DOCK2: variants seen among roughly 807,000 people sequenced by gnomAD.
DOCK2 encodes dedicator of cytokinesis 2.
In DOCK2, 87 loss-of-function variants were observed where a neutral mutation model predicts 248.9. The ratio of observed to expected loss-of-function variants is 0.35; its 90% CI spans 0.29 to 0.42. The LOEUF (loss-of-function observed/expected upper bound fraction) is 0.42, where lower values mean the gene tolerates loss of function less well. Ranked by LOEUF, DOCK2 falls within the 10% of genes least tolerant of loss-of-function variation. The probability of loss-of-function intolerance (pLI) is 1.00; values close to 1 mark genes in which losing one functional copy is unlikely to be tolerated. For synonymous variants in DOCK2, 805 were observed against 821.6 expected (o/e 0.98, Z 0.35); for missense variants, 1,747 against 2,300.2 (o/e 0.76, Z 4.92).
intron 2 of DOCK2, among the ~76,000 whole-genome samples, chr5:169,668,553 G>A (rs2113273934): frequency 6.6e-6 from 1 of 152,258 alleles, no homozygotes; most frequent in South Asian, 2.1e-4. Flanking sequence ...TTACAAAGAT[G>A]ACAAATGCCA....
chr5:169,870,786 A>T (rs1159362007), intron 27 of DOCK2, among the ~76,000 whole-genome samples: 1 of 152,144 alleles, frequency 6.6e-6, no homozygotes, highest in Non-Finnish European at 1.5e-5. Flanking sequence ...TTGCCCATTT[A>T]AACAGACAAG....
At chr5:169,873,678 C>A (rs568278848) in intron 27 of DOCK2, among the ~76,000 whole-genome samples, 1 of 152,206 alleles carries the variant, frequency 6.6e-6, no homozygotes, top group Admixed American at 6.5e-5. Context: ...GGCTGCTAAA[C>A]CCATAGGACT....
At chr5:169,875,068 A>G (rs1772234180) in intron 27 of DOCK2, among the ~76,000 whole-genome samples, 1 of 152,208 alleles carries the variant, frequency 6.6e-6, no homozygotes, top group African/African-American at 2.4e-5. Context: ...AGATGTAGTA[A>G]GAACTAAAGC....
At chr5:169,726,780 G>C (rs1762496991) in intron 22 of DOCK2, among the ~76,000 whole-genome samples, 1 of 152,212 alleles carries the variant, frequency 6.6e-6, no homozygotes, top group Admixed American at 6.5e-5. Flanking sequence ...CCTGGGATAA[G>C]CAATGATCAG....
chr5:169,788,371 A>G (rs573837252), intron 25 of DOCK2, among the ~76,000 whole-genome samples: 1 of 152,340 alleles, frequency 6.6e-6, no homozygotes, highest in East Asian at 1.9e-4. Flanking sequence ...TCACAAGAGC[A>G]CTAAACACAG....
In DOCK2 at chr5:169,996,148, C is replaced by G. The variant is rs368028175; in HGVS notation, c.3056C>G (p.Thr1019Arg). Residue 1019 changes from threonine to arginine, a missense_variant, in exon 30 of 52, where the codon ACG (threonine) becomes AGG (arginine). Coordinates refer to ENST00000520908, the MANE Select transcript of DOCK2 (RefSeq NM_004946.3). ...ETMNQKFLEH[T>R]NFEFQLWNNY... is the part of the protein sequence containing the mutation. ...ATGAACCAGAAGTTCCTAGAACACA[C>G]GAACTTTGAGTTCCAGGTGAGTATA... 18 of 1,613,724 alleles carry G rather than the reference C, an allele frequency of 1.1e-5. No homozygotes were observed. Among genetic ancestry groups the G allele is most frequent in the Non-Finnish European group, 1.5e-5 (18 of 1,179,854 alleles).
intron 26 of DOCK2, among the ~76,000 whole-genome samples, chr5:169,825,913 G>A (rs545334730): frequency 7.8e-4 from 119 of 152,072 alleles, no homozygotes; most frequent in African/African-American, 2.8e-3. Context: ...GGTGAAAAGT[G>A]AAGAAAGGAG....
chr5:169,661,294 G>C (rs1758433265), intron 2 of DOCK2, among the ~76,000 whole-genome samples: 1 of 152,130 alleles, frequency 6.6e-6, no homozygotes, highest in Non-Finnish European at 1.5e-5. Context: ...TCATTGCAGA[G>C]CTCATACTCT....
chr5:169,994,538 G>C (rs1197304815), intron 29 of DOCK2, among the ~76,000 whole-genome samples: 1 of 152,160 alleles, frequency 6.6e-6, no homozygotes, highest in Non-Finnish European at 1.5e-5. Flanking sequence ...AATGGGGGTG[G>C]TCTCAGTCAC....
intron 27 of DOCK2, among the ~76,000 whole-genome samples, chr5:169,971,459 C>A (rs1352181839): frequency 7.0e-6 from 1 of 141,962 alleles, no homozygotes; most frequent in Non-Finnish European, 1.5e-5. Context: ...TGAAAGACAT[C>A]AGAAGGAATG....
At chr5:170,051,426 G>C (rs1756911415) in intron 41 of DOCK2, among the ~76,000 whole-genome samples, 1 of 151,936 alleles carries the variant, frequency 6.6e-6, no homozygotes, top group Non-Finnish European at 1.5e-5. Context: ...CATGTTCTCT[G>C]TTCCCTCTGC....
intron 26 of DOCK2, among the ~76,000 whole-genome samples, chr5:169,808,134 G>A (rs546874052): frequency 1.7e-4 from 26 of 152,130 alleles, no homozygotes; most frequent in Non-Finnish European, 2.8e-4. Context: ...CTGCTGACAA[G>A]AGCATAGCCA....
At chr5:170,011,307 T>A (rs1755283293) in intron 32 of DOCK2, among the ~76,000 whole-genome samples, 1 of 152,186 alleles carries the variant, frequency 6.6e-6, no homozygotes, top group South Asian at 2.1e-4. Context: ...ATGAGGAAAC[T>A]GAAGTCCATA....
rs144066435 is a variant in DOCK2, at chr5:170,023,642, C to T, written c.3382-4221C>T. Reference sequence around the variant, plus strand: ...GAGACAACTCAAAATTAGAAAGCCGCGCTGACTTCCAGACACCCCTTCTCA... The same window carrying T: ...GAGACAACTCAAAATTAGAAAGCCGTGCTGACTTCCAGACACCCCTTCTCA... On this transcript the variant is annotated intron_variant, in intron 33 of 51. Transcript: ENST00000520908. Among the ~76,000 whole-genome samples, 727 of 152,290 alleles carry T rather than the reference C, an allele frequency of 4.8e-3. 6 individuals are homozygous for T. Among genetic ancestry groups the T allele is most frequent in the Admixed American group, 0.021 (323 of 15,296 alleles).
chr5:170,041,732 G>A (rs1479716917), intron 37 of DOCK2, among the ~76,000 whole-genome samples: 2 of 152,206 alleles, frequency 1.3e-5, no homozygotes, highest in Non-Finnish European at 2.9e-5. Flanking sequence ...GATCACTGTG[G>A]TTTTAATATT....
chr5:169,698,177 G>A (rs1413412809), intron 10 of DOCK2, among the ~76,000 whole-genome samples, 197 bp from the exon 11 acceptor site: 1 of 152,182 alleles, frequency 6.6e-6, no homozygotes, highest in African/African-American at 2.4e-5. Flanking sequence ...TTTGCCTGGA[G>A]GTATTTGCCC....
Position 169,717,378 on chromosome 5 carries a change from C to A in DOCK2, c.2032-6C>A. Reference sequence around the variant, plus strand: ...TGAAAATACTGCTGCCTTGCATCTTCCTCAGATTTACATAATAGGACTCAT... The same window carrying A: ...TGAAAATACTGCTGCCTTGCATCTTACTCAGATTTACATAATAGGACTCAT... On this transcript the variant is annotated splice_polypyrimidine_tract_variant and splice_region_variant and intron_variant, in intron 20 of 51. Coordinates refer to ENST00000520908, the MANE Select transcript of DOCK2 (RefSeq NM_004946.3). 6.2e-7 allele frequency: 1 copy of A among 1,613,294 alleles called. No homozygotes were observed. The highest frequency in any genetic ancestry group is 2.2e-5 in the East Asian group (1 of 44,858).
chr5:169,901,341 T>A (rs1444210994), intron 27 of DOCK2, among the ~76,000 whole-genome samples: 1 of 152,164 alleles, frequency 6.6e-6, no homozygotes, highest in Non-Finnish European at 1.5e-5. Flanking sequence ...GCAGGAGTGA[T>A]GATATTGGTC....
chr5:169,812,146 G>A (rs745615395), intron 26 of DOCK2, among the ~76,000 whole-genome samples: 3 of 152,190 alleles, frequency 2.0e-5, no homozygotes, highest in East Asian at 1.9e-4. Context: ...GCTGGAGAGC[G>A]AGTAAAACTT....
Sources: allele counts gnomAD v4.1 joint callset (sites outside exome capture counted in the v4.1 genomes callset), GRCh38; gene constraint gnomAD v4.1.1; transcripts MANE v1.5; gene names NCBI Gene and HGNC (gene_info 2026-07-23, HGNC 2026-07-21).